Variants in GLIS3 observed in about 807,000 individuals in gnomAD.
GLIS3 encodes the protein GLIS family zinc finger 3.
In GLIS3, 53 loss-of-function variants were observed where a neutral mutation model predicts 78.6. The observed-to-expected ratio is 0.67, with a 90% CI of 0.54 to 0.85. The LOEUF is 0.85. Among genes scored for constraint, GLIS3 ranks in the 40% least tolerant of loss-of-function variants. The pLI is 0.00. For missense variants in GLIS3, 1,703 were observed against 1,231.1 expected (o/e 1.38, Z -5.74); for synonymous variants, 684 against 509.9 (o/e 1.34, Z -4.60).
chr9:4,188,713 G>A (rs1818036113), intron 2 of GLIS3, among the ~76,000 whole-genome samples: 1 of 152,116 alleles, frequency 6.6e-6, no homozygotes, highest in Admixed American at 6.5e-5. Flanking sequence ...CTTCTTCCTG[G>A]TTTAGTCATG....
At chr9:4,105,813 A>C (rs904115560) in intron 4 of GLIS3, among the ~76,000 whole-genome samples, 16 of 152,152 alleles carry the variant, frequency 1.1e-4, no homozygotes, top group African/African-American at 3.9e-4. Flanking sequence ...GCACAGCACA[A>C]AACCAGAGTC....
At chr9:4,084,256 A>ACAC (rs1828812518) in intron 4 of GLIS3, among the ~76,000 whole-genome samples, 2 of 132,120 alleles carry the variant, frequency 1.5e-5, no homozygotes, top group African/African-American at 2.8e-5. Context: ...TCCTCTCTCT[A>ACAC]ACACACACAC....
chr9:4,456,279 A>G, the GLIS3 span, among the ~76,000 whole-genome samples: 4 of 152,186 alleles, frequency 2.6e-5, no homozygotes, highest in Non-Finnish European at 5.9e-5. Context: ...TCTTGCCTCA[A>G]TATTGATGGC....
At position 4,146,018 on chromosome 9, in the gene GLIS3, A is replaced by T. The variant is rs560055214; in HGVS notation, c.389-20077T>A. The stretch of plus-strand genomic sequence containing the variant: ...CACAACATTCATAACTAATTTGGCA[A>T]TTTTAACCTATAAAACCTATATATT... On this transcript the variant is annotated intron_variant, in intron 2 of 10. Coordinates refer to ENST00000381971, the MANE Select transcript of GLIS3 (RefSeq NM_001042413.2). Among the ~76,000 whole-genome samples the T allele has an allele frequency of 4.5e-4, 68 of 152,360 alleles. 1 individual carries two copies. The highest frequency in any genetic ancestry group is 1.6e-3 in the African/African-American group (66 of 41,588).
At chr9:3,985,502 G>T (rs1252915297) in intron 4 of GLIS3, among the ~76,000 whole-genome samples, 1 of 152,120 alleles carries the variant, frequency 6.6e-6, no homozygotes, top group Non-Finnish European at 1.5e-5. Context: ...ACAGTTTGAG[G>T]AATCATTAAT....
the GLIS3 span, among the ~76,000 whole-genome samples, chr9:4,357,384 T>G: frequency 6.6e-6 from 1 of 152,202 alleles, no homozygotes; most frequent in Non-Finnish European, 1.5e-5. Flanking sequence ...TCTGACTGTT[T>G]TCAAGCTGGG....
intron 2 of GLIS3, among the ~76,000 whole-genome samples, chr9:4,231,016 G>C (rs980620058): frequency 3.3e-5 from 5 of 152,150 alleles, no homozygotes; most frequent in Non-Finnish European, 7.3e-5. Flanking sequence ...AGGCTGTAGT[G>C]AGCTATGATT....
chr9:4,158,718 A>T (rs1274379353), intron 2 of GLIS3, among the ~76,000 whole-genome samples: 1 of 152,242 alleles, frequency 6.6e-6, no homozygotes, highest in Non-Finnish European at 1.5e-5. Flanking sequence ...GACAAGTAAC[A>T]TTCCCCCATT....
At chr9:3,857,852 C>T (rs1484742115) in intron 8 of GLIS3, among the ~76,000 whole-genome samples, 1 of 152,128 alleles carries the variant, frequency 6.6e-6, no homozygotes, top group East Asian at 1.9e-4. Flanking sequence ...GCCAGGATTC[C>T]TCATATGAAG....
chr9:3,944,885 G>A (rs950784787), intron 4 of GLIS3, among the ~76,000 whole-genome samples: 1 of 152,346 alleles, frequency 6.6e-6, no homozygotes, highest in Non-Finnish European at 1.5e-5. Flanking sequence ...TTCATACTGT[G>A]TCGTATCATG....
chr9:3,968,334 C>A (rs1390617698), intron 4 of GLIS3, among the ~76,000 whole-genome samples: 2 of 152,104 alleles, frequency 1.3e-5, no homozygotes, highest in Non-Finnish European at 2.9e-5. Flanking sequence ...AGCTTAACAG[C>A]ACTTGTCTCA....
intron 1 of GLIS3, chr9:4,298,435 A>G: frequency 2.2e-6 from 1 of 452,342 alleles, no homozygotes; most frequent in East Asian, 7.3e-5. Context: ...AGATTTCCAG[A>G]CACTTGAGTG....
chr9:4,288,493 CAT>C (rs2130365104), intron 1 of GLIS3, among the ~76,000 whole-genome samples: 1 of 22,188 alleles, frequency 4.5e-5, no homozygotes, highest in Non-Finnish European at 4.4e-4. Flanking sequence ...ATAAAGGAGT[CAT>C]TTTTTTTGGC....
At chr9:4,440,434 G>A in the GLIS3 span, among the ~76,000 whole-genome samples, 3 of 152,150 alleles carry the variant, frequency 2.0e-5, no homozygotes, top group Non-Finnish European at 2.9e-5. Flanking sequence ...TTATGGAAAA[G>A]ACTGACCTTT....
At chr9:3,957,823 CACAAAG>C (rs1485231032) in intron 4 of GLIS3, among the ~76,000 whole-genome samples, 1 of 152,130 alleles carries the variant, frequency 6.6e-6, no homozygotes, top group African/African-American at 2.4e-5. Context: ...CTCAGATTCA[CACAAAG>C]ACAAACACCG....
At chr9:3,983,781 C>G (rs1433239996) in intron 4 of GLIS3, among the ~76,000 whole-genome samples, 1 of 152,110 alleles carries the variant, frequency 6.6e-6, no homozygotes, top group African/African-American at 2.4e-5. Flanking sequence ...GCAGAGCATT[C>G]AAGAGGTGAC....
chr9:3,882,550 G>A (rs553596461), intron 7 of GLIS3, among the ~76,000 whole-genome samples: 54 of 152,284 alleles, frequency 3.5e-4, no homozygotes, highest in African/African-American at 1.1e-3. Context: ...GGCACACGAG[G>A]TGTCAGGTAT....
At chr9:4,416,533 AT>A in the GLIS3 span, among the ~76,000 whole-genome samples, 11 of 152,148 alleles carry the variant, frequency 7.2e-5, no homozygotes, top group East Asian at 1.2e-3. Flanking sequence ...TATGAACTAT[AT>A]TTTTTATGCC....
In GLIS3 at chr9:3,833,066, T is replaced by C. The variant is rs16919740; in HGVS notation, c.2474-3574A>G. ...ATGTGGCAAAATACACCTAGAAAAG[T>C]TAAATATCAAATCCAACATTCTGGG... On this transcript the variant is annotated intron_variant, in intron 9 of 10. Transcript: ENST00000381971. Among the ~76,000 whole-genome samples, 1,243 of 152,268 alleles carry C rather than the reference T, an allele frequency of 8.2e-3. 18 individuals are homozygous for C. Among genetic ancestry groups the C allele is most frequent in the African/African-American group, 0.025 (1,049 of 41,556 alleles).
Sources: gnomAD v4.1 joint callset for allele counts (sites outside exome capture counted in the v4.1 genomes callset) on GRCh38, gnomAD v4.1.1 for gene constraint, MANE v1.5 for transcripts, NCBI Gene and HGNC (gene_info 2026-07-23, HGNC 2026-07-21) for gene names.